CEP128: variants seen among roughly 807,000 people sequenced by gnomAD.
The protein encoded by CEP128 is centrosomal protein 128kDa.
A neutral mutation model predicts 156.7 loss-of-function variants in CEP128; 132 were observed. The ratio of observed to expected loss-of-function variants is 0.84; its 90% CI spans 0.73 to 0.97. The LOEUF (loss-of-function observed/expected upper bound fraction) is 0.97, where lower values mean the gene tolerates loss of function less well. Ranked by LOEUF, CEP128 falls within the 50% of genes least tolerant of loss-of-function variation. CEP128 has a pLI of 0.00. For missense variants in CEP128, 1,252 were observed against 1,281.9 expected (o/e 0.98, Z 0.36); for synonymous variants, 469 against 448.9 (o/e 1.04, Z -0.57).
At chr14:80,634,109 T>C (rs1349159517) in intron 19 of CEP128, among the ~76,000 whole-genome samples, 1 of 152,226 alleles carries the variant, frequency 6.6e-6, no homozygotes. Flanking sequence ...TTACTAAGTT[T>C]AGATTACATC....
chr14:80,536,136 C>A (rs931431469), intron 21 of CEP128, among the ~76,000 whole-genome samples: 1 of 151,964 alleles, frequency 6.6e-6, no homozygotes, highest in African/African-American at 2.4e-5. Flanking sequence ...GCAGGGAAAC[C>A]AAATAATATA....
intron 18 of CEP128, among the ~76,000 whole-genome samples, chr14:80,754,199 T>C (rs747554860): frequency 6.6e-6 from 1 of 152,224 alleles, no homozygotes; most frequent in Non-Finnish European, 1.5e-5. Flanking sequence ...CCATTCTCTG[T>C]GTCATACCTT....
At chr14:80,656,626 T>C (rs1429396971) in intron 19 of CEP128, among the ~76,000 whole-genome samples, 1 of 151,998 alleles carries the variant, frequency 6.6e-6, no homozygotes, top group Non-Finnish European at 1.5e-5. Context: ...TAAATTTAGC[T>C]CTAGTCTATC....
chr14:80,792,992 T>C lies in CEP128; in HGVS notation c.1328A>G (p.Gln443Arg), dbSNP rs45488095. 14,277 of 1,614,196 alleles carry C rather than the reference T, an allele frequency of 8.8e-3. 85 individuals carry two copies. Among genetic ancestry groups the C allele is most frequent in the Non-Finnish European group, 0.011 (12,806 of 1,180,036 alleles). ...CEAERKHADLQISELTRHAED... is the reference protein window; with the variant it reads ...CEAERKHADLRISELTRHAED... ...CGCATGGCGAGTCAGCTCTGAGATC[T>C]GAAGGTCAGCATGCTTACGCTCGGC... Residue 443 changes from glutamine (Q) to arginine (R), a missense_variant, in exon 14 of 25, where the codon CAG (glutamine) becomes CGG (arginine). By Grantham distance (43) the Gln-to-Arg change is conservative (BLOSUM62 1). Transcript: ENST00000555265.
intron 19 of CEP128, among the ~76,000 whole-genome samples, chr14:80,709,539 A>G (rs1191293655): frequency 6.6e-6 from 1 of 152,186 alleles, no homozygotes; most frequent in African/African-American, 2.4e-5. Flanking sequence ...CTTCCAAATG[A>G]ATTTTATAAT....
chr14:80,814,373 G>C (rs1215167777), intron 13 of CEP128, among the ~76,000 whole-genome samples: 1 of 151,772 alleles, frequency 6.6e-6, no homozygotes, highest in African/African-American at 2.4e-5. Context: ...ATTATTCAGA[G>C]TAAATATTTT....
At chr14:80,902,935 A>G (rs1883666672) in intron 6 of CEP128, among the ~76,000 whole-genome samples, 1 of 152,200 alleles carries the variant, frequency 6.6e-6, no homozygotes, top group South Asian at 2.1e-4. Context: ...ATAATCCTCC[A>G]TAACAAAACT....
intron 4 of CEP128, among the ~76,000 whole-genome samples, chr14:80,911,816 T>C (rs954045755): frequency 6.6e-6 from 1 of 152,150 alleles, no homozygotes; most frequent in African/African-American, 2.4e-5. Flanking sequence ...AATGATGAAA[T>C]AGAATGCTTT....
At chr14:80,776,452 CT>C (rs1900794430) in intron 16 of CEP128, among the ~76,000 whole-genome samples, 2 of 149,148 alleles carry the variant, frequency 1.3e-5, no homozygotes, top group Admixed American at 6.7e-5. Flanking sequence ...TATTTCCTTG[CT>C]TTACCAATTA....
intron 21 of CEP128, among the ~76,000 whole-genome samples, chr14:80,540,860 G>A (rs190724177): frequency 9.9e-5 from 15 of 152,122 alleles, no homozygotes; most frequent in Admixed American, 3.9e-4. Flanking sequence ...GAGAATAGGC[G>A]GAATCCCCAG....
chr14:80,648,223 T>C (rs1341673144), intron 19 of CEP128, among the ~76,000 whole-genome samples: 1 of 152,084 alleles, frequency 6.6e-6, no homozygotes, highest in African/African-American at 2.4e-5. Context: ...TAAGCAAAAG[T>C]ATCTTTCTAC....
At chr14:80,907,285 G>C (rs985280128) in intron 4 of CEP128, among the ~76,000 whole-genome samples, 4 of 151,976 alleles carry the variant, frequency 2.6e-5, no homozygotes, top group African/African-American at 9.7e-5. Context: ...AAAAAAAAGA[G>C]GGGTTTCCAC....
intron 16 of CEP128, among the ~76,000 whole-genome samples, chr14:80,765,155 C>T (rs2139704101): frequency 6.6e-6 from 1 of 152,328 alleles, no homozygotes; most frequent in Middle Eastern, 3.4e-3. Flanking sequence ...CAGGCAGGCT[C>T]CTACTCTCAT....
intron 24 of CEP128, among the ~76,000 whole-genome samples, chr14:80,500,378 C>T (rs1433943070): frequency 2.0e-5 from 3 of 152,174 alleles, no homozygotes; most frequent in African/African-American, 7.2e-5. Flanking sequence ...AAACTCATGT[C>T]TGCCTAAGGA....
chr14:80,511,992 C>T (rs1888281123), intron 23 of CEP128, among the ~76,000 whole-genome samples: 1 of 152,018 alleles, frequency 6.6e-6, no homozygotes, highest in Non-Finnish European at 1.5e-5. Flanking sequence ...TGTGCCAAAA[C>T]ATATGGTCTA....
At chr14:80,623,390 C>A (rs1429171501) in intron 19 of CEP128, among the ~76,000 whole-genome samples, 3 of 151,398 alleles carry the variant, frequency 2.0e-5, no homozygotes, top group Non-Finnish European at 4.4e-5. Flanking sequence ...AGCACACCAG[C>A]ATGGCACATG....
At chr14:80,518,104 C>A (rs1594939365) in intron 23 of CEP128, among the ~76,000 whole-genome samples, 1 of 149,198 alleles carries the variant, frequency 6.7e-6, no homozygotes. Context: ...TGGGAGGGGA[C>A]CCAAAGGGGG....
intron 19 of CEP128, among the ~76,000 whole-genome samples, chr14:80,593,357 G>A (rs1892165860): frequency 6.6e-6 from 1 of 151,968 alleles, no homozygotes; most frequent in Non-Finnish European, 1.5e-5. Flanking sequence ...CTAACATGGT[G>A]AAACCCCATC....
intron 19 of CEP128, among the ~76,000 whole-genome samples, chr14:80,645,427 G>A (rs920095546): frequency 7.2e-5 from 11 of 152,242 alleles, no homozygotes; most frequent in South Asian, 4.1e-4. Flanking sequence ...AAGTCTAAGT[G>A]AATGGTAAAA....
Sources: allele counts gnomAD v4.1 joint callset (sites outside exome capture counted in the v4.1 genomes callset), GRCh38; gene constraint gnomAD v4.1.1; transcripts MANE v1.5; gene names NCBI Gene and HGNC (gene_info 2026-07-23, HGNC 2026-07-21).